The following TBL3 variants were observed in gnomAD, a reference collection of about 807,000 sequenced individuals.
TBL3 encodes transducin beta like 3.
Under a neutral mutation model 102.7 loss-of-function variants are expected in TBL3, and 71 were observed. The observed-to-expected ratio is 0.69, with a 90% CI of 0.57 to 0.84. The LOEUF is 0.84. TBL3 is among the 40% of genes least tolerant of loss of function. The pLI, the probability that TBL3 is intolerant of heterozygous loss-of-function variation, is 0.00. For synonymous variants in TBL3, 578 were observed against 477.7 expected, an observed-to-expected ratio of 1.21 and a Z score of -2.74; for missense variants, 1,188 against 1,098.5, an observed-to-expected ratio of 1.08 and a Z score of -1.15.
chr16:1,976,483 G>A (rs1442024498), intron 13 of TBL3, among the ~76,000 whole-genome samples, 169 bp downstream of exon 13: 2 of 152,194 alleles, frequency 1.3e-5, no homozygotes, highest in Admixed American at 1.3e-4. Flanking sequence ...AGGTGCCTCG[G>A]GGTCAGTCCT....
intron 1 of TBL3, 71 bp downstream of exon 1, chr16:1,972,276 G>T: frequency 7.8e-7 from 1 of 1,287,462 alleles, no homozygotes. Context: ...AGGCGCGCGT[G>T]GGGTGGGCAC....
Position 1,975,032 on chromosome 16 carries a change from T to C in TBL3, c.569T>C (p.Val190Ala), listed in dbSNP as rs773866729. Residue 190 changes from valine (V) to alanine (A), a missense_variant, in exon 7 of 22, where the codon GTG becomes GCG. Coordinates refer to ENST00000568546, the MANE Select transcript of TBL3 (RefSeq NM_006453.3). ...CTGCAGGACCGGTCATGCCTGGCTG[T>C]GCTGACTGCCCACTACAGCGCCGTC... ...WSLQDRSCLA[V>A]LTAHYSAVTS... is the part of the protein sequence containing the mutation. The C allele has an allele frequency of 5.4e-5, 87 of 1,607,238 alleles. No homozygotes were observed. Among genetic ancestry groups the C allele is most frequent in the Non-Finnish European group, 7.1e-5 (84 of 1,179,984 alleles).
chr16:1,976,920 A>G lies in TBL3; in HGVS notation c.1399A>G (p.Ile467Val), dbSNP rs1567325879. Residue 467 changes from isoleucine to valine, a missense_variant, in exon 14 of 22, where the codon ATC (isoleucine) becomes GTC (valine). Ile to Val is a conservative substitution (Grantham distance 29, BLOSUM62 3). Coordinates refer to ENST00000568546, the MANE Select transcript of TBL3 (RefSeq NM_006453.3). ...GAACACAGCCCCAGACAACGGCCCT[A>G]TCCTCCTGCAGGCCCAGACCACTCA... ...SKNTAPDNGPILLQAQTTQRC... is the reference protein window; with the variant it reads ...SKNTAPDNGPVLLQAQTTQRC... The G allele has an allele frequency of 2.5e-6, 4 of 1,613,822 alleles. No homozygotes were observed. The highest frequency in any genetic ancestry group is 2.7e-5 in the African/African-American group (2 of 74,914).
intron 1 of TBL3, 63 bp from the exon 2 acceptor site, chr16:1,973,993 A>G: frequency 1.4e-6 from 2 of 1,469,620 alleles, no homozygotes; most frequent in Non-Finnish European, 9.0e-7. Flanking sequence ...CACCTAGCAC[A>G]GGGCGGGGCC....
At chr16:1,976,156 GA>G (rs1386678089) in intron 12 of TBL3, 42 bp downstream of exon 12, 2 of 1,613,762 alleles carry the variant, frequency 1.2e-6, no homozygotes, top group Non-Finnish European at 1.7e-6. Flanking sequence ...ACCAGGCGGG[GA>G]GGCCACGCAG....
intron 8 of TBL3, 37 bp from the exon 9 acceptor site, chr16:1,975,308 G>T: frequency 6.2e-7 from 1 of 1,613,952 alleles, no homozygotes; most frequent in Non-Finnish European, 8.5e-7. Flanking sequence ...GGTGGGGAGG[G>T]GGCATGATAG....
chr16:1,974,178 G>T lies in TBL3; in HGVS notation c.94-19G>T. 6.4e-7 allele frequency: 1 copy of T among 1,567,014 alleles called. No individual in the cohort carries two copies. On this transcript the variant is annotated intron_variant, in intron 2 of 21. Transcript: ENST00000568546. Reference sequence around the variant, plus strand: ...GGGGGGTGCTGAATGTTGCCTGGCTGAGACCTCTCTGTCCCCAGCTGGACC... The same window carrying T: ...GGGGGGTGCTGAATGTTGCCTGGCTTAGACCTCTCTGTCCCCAGCTGGACC...
Position 1,972,190 on chromosome 16 carries a change from G to C in TBL3, c.26G>C (p.Gly9Ala), listed in dbSNP as rs2083365897. The C allele has an allele frequency of 1.4e-6, 2 of 1,425,526 alleles. No homozygotes were observed. The highest frequency in any genetic ancestry group is 9.2e-7 in the Non-Finnish European group (1 of 1,086,748). The allele number at this position is 1,425,526 out of a possible 1,614,324, so 88.3% of individuals were successfully genotyped here. Residue 9 changes from glycine (G) to alanine (A), a missense_variant, in exon 1 of 22, where the codon GGC (glycine) becomes GCC (alanine). By Grantham distance (60) the Gly-to-Ala change is moderately conservative (BLOSUM62 0). Coordinates refer to ENST00000568546, the MANE Select transcript of TBL3 (RefSeq NM_006453.3). ...ATGGCAGAGACCGCGGCCGGAGTGGGCCGCTTCAAGACCAAGTGAGCCCGG... is the reference window on the plus strand; with the variant it reads ...ATGGCAGAGACCGCGGCCGGAGTGGCCCGCTTCAAGACCAAGTGAGCCCGG... MAETAAGV[G>A]RFKTNYAVER...
rs1239295061 is a variant in TBL3 at position 1,976,327 on chromosome 16, G to T, written c.1292+13G>T. 5 of 1,608,912 alleles carry T rather than the reference G, an allele frequency of 3.1e-6. No homozygotes were observed. The highest frequency in any genetic ancestry group is 1.7e-4 in the Middle Eastern group (1 of 5,980). The stretch of plus-strand genomic sequence containing the variant: ...TCTGCTGCTCTAGGTAGTGAGTCGG[G>T]GCTGGGCCCAGGGGTGTCAGGGAGG... On this transcript the variant is annotated intron_variant, in intron 13 of 21. Transcript: ENST00000568546.
rs747768713 is a variant in TBL3, at chr16:1,980,133, C to T, written c.*1448C>T. 2 of 1,606,432 alleles carry T rather than the reference C, an allele frequency of 1.2e-6. No homozygotes were observed. The highest frequency in any genetic ancestry group is 1.7e-6 in the Non-Finnish European group (2 of 1,178,500). On this transcript the variant is annotated 3_prime_UTR_variant, in exon 22 of 22. Transcript: ENST00000568546. ...CCAGACTGTGGATGGAGAGGCGGCC[C>T]GCAGCGCGAGAAAGAGGCTGCTCCT...
intron 1 of TBL3, among the ~76,000 whole-genome samples, chr16:1,973,703 TACCCAGGCCTGGCC>T (rs1436692587): frequency 3.9e-5 from 6 of 152,182 alleles, no homozygotes; most frequent in African/African-American, 1.4e-4. Context: ...CTGGGCTGGC[TACCCAGGCCTGGCC>T]ACCCACCGCC....
In TBL3 at chr16:1,977,592, G is replaced by A. The variant is rs1165423722; in HGVS notation, c.1821G>A (p.Lys607=). ...CVRTLDAHED[K]VWGLHCSRLD... is the part of the protein sequence containing the mutation. ...GGACGCTGGATGCCCACGAGGACAA[G>A]GTCTGGGGGCTGCACTGCAGCCGGC... The change falls in exon 17 of 22, where the codon AAG becomes AAA. Residue 607 remains lysine (K), a synonymous_variant. Coordinates refer to ENST00000568546, the MANE Select transcript of TBL3 (RefSeq NM_006453.3). The A allele has an allele frequency of 1.9e-6, 3 of 1,572,838 alleles. No individual in the cohort carries two copies. Among genetic ancestry groups the A allele is most frequent in the Non-Finnish European group, 2.6e-6 (3 of 1,158,076 alleles).
chr16:1,978,442 C>T lies in TBL3; in HGVS notation c.2264C>T (p.Ala755Val), dbSNP rs1205493347. ...EELLAYEGVR[A>V]ALEALLPYTE... is the part of the protein sequence containing the mutation. ...CTGCTGGCCTACGAAGGCGTGCGGG[C>T]AGCGCTTGAGGCCCTGCTGCCCTAC... Residue 755 changes from alanine (A) to valine (V), a missense_variant, in exon 21 of 22, where the codon GCA (alanine) becomes GTA (valine). Coordinates refer to ENST00000568546, the MANE Select transcript of TBL3 (RefSeq NM_006453.3). The T allele has an allele frequency of 6.2e-7, 1 of 1,609,278 alleles. No individual in the cohort carries two copies. The highest frequency in any genetic ancestry group is 8.5e-7 in the Non-Finnish European group (1 of 1,178,280).
chr16:1,977,465 T>TGGGGGGGGGGGGGG, intron 16 of TBL3, 39 bp downstream of exon 16: 1 of 578,996 alleles, frequency 1.7e-6, no homozygotes, highest in Non-Finnish European at 3.0e-6. Flanking sequence ...GAGTGGGGGG[T>TGGGGGGGGGGGGGG]GGCGGGGGGA....
rs545503058 is a variant in TBL3 at position 1,972,240 on chromosome 16, A to C, written c.41+35A>C. The C allele has an allele frequency of 3.0e-6, 4 of 1,318,348 alleles. No homozygotes were observed. In the Admixed American group the frequency reaches 1.6e-4, roughly 53 times the overall value. The allele number at this position is 1,318,348 out of a possible 1,614,324, so 81.7% of individuals were successfully genotyped here. The stretch of plus-strand genomic sequence containing the variant: ...GAGCTCTGGGGCCGTGCGGGGAGGG[A>C]GCTGGGTTTGCAGCCGGCATAGCGG... On this transcript the variant is annotated intron_variant, in intron 1 of 21. Transcript: ENST00000568546.
At chr16:1,973,070 G>A (rs2083371714) in intron 1 of TBL3, among the ~76,000 whole-genome samples, 1 of 152,184 alleles carries the variant, frequency 6.6e-6, no homozygotes, top group Non-Finnish European at 1.5e-5. Context: ...GAGGTGTGTG[G>A]GCAGAAGGGA....
rs775714361 is a variant in TBL3, at chr16:1,980,572, A to G, written c.*1887A>G. On this transcript the variant is annotated 3_prime_UTR_variant, in exon 22 of 22. Coordinates refer to ENST00000568546, the MANE Select transcript of TBL3 (RefSeq NM_006453.3). ...TAAGGCACCACAAAAACGTACTGTGATACGCCGCTTTGGGCTTCACTGGTC... is the reference window on the plus strand; with the variant it reads ...TAAGGCACCACAAAAACGTACTGTGGTACGCCGCTTTGGGCTTCACTGGTC... 2.5e-6 allele frequency: 4 copies of G among 1,598,328 alleles called. No individual in the cohort carries two copies. The highest frequency in any genetic ancestry group is 3.4e-6 in the Non-Finnish European group (4 of 1,171,640).
At position 1,974,846 on chromosome 16, in the gene TBL3, C is replaced by T. The variant is rs1406410062; in HGVS notation, c.463C>T (p.His155Tyr). The T allele has an allele frequency of 6.2e-7, 1 of 1,613,090 alleles. No homozygotes were observed. The highest frequency in any genetic ancestry group is 8.5e-7 in the Non-Finnish European group (1 of 1,179,980). Residue 155 changes from histidine (H) to tyrosine (Y), a missense_variant and splice_region_variant, in exon 6 of 22, where the codon CAC (histidine) becomes TAC (tyrosine). Physicochemically the swap from His to Tyr is moderately conservative, Grantham distance 83 (BLOSUM62 2). Coordinates refer to ENST00000568546, the MANE Select transcript of TBL3 (RefSeq NM_006453.3). ...CTTCCGAGGCTCGCCCGGTGTCGTG[C>T]AGTGAGTTGGAAGGTGGAGGGGGAG... ...HHFRGSPGVVHLVAFHPDPTR... is the reference protein window; with the variant it reads ...HHFRGSPGVVYLVAFHPDPTR...
At position 1,979,342 on chromosome 16, in the gene TBL3, C is replaced by A. The variant is rs762290866; in HGVS notation, c.*657C>A. 6.3e-7 allele frequency: 1 copy of A among 1,577,308 alleles called. No homozygotes were observed. The highest frequency in any genetic ancestry group is 8.6e-7 in the Non-Finnish European group (1 of 1,168,930). ...ACCGCGGGGAGTAGGCCCGCCCGGT[C>A]GCCGTACCTGCGAGGGGCGGGGTGT... On this transcript the variant is annotated 3_prime_UTR_variant, in exon 22 of 22. Coordinates refer to ENST00000568546, the MANE Select transcript of TBL3 (RefSeq NM_006453.3).
Sources: allele counts gnomAD v4.1 joint callset (sites outside exome capture counted in the v4.1 genomes callset), GRCh38; gene constraint gnomAD v4.1.1; transcripts MANE v1.5; gene names NCBI Gene and HGNC (gene_info 2026-07-23, HGNC 2026-07-21).